Variants in SP100 observed in about 807,000 individuals in gnomAD.
SP100 encodes nuclear autoantigen Sp-100.
A neutral mutation model predicts 130.0 loss-of-function variants in SP100; 84 were observed. The observed-to-expected ratio is 0.65, with a 90% CI of 0.54 to 0.77. The LOEUF (loss-of-function observed/expected upper bound fraction) is 0.77. Among genes scored for constraint, SP100 ranks in the 30% least tolerant of loss-of-function variants. The pLI, the probability that SP100 is intolerant of heterozygous loss-of-function variation, is 0.00. For synonymous variants in SP100, 331 were observed against 351.7 expected (o/e 0.94, Z 0.66); for missense variants, 978 against 1,052.2 (o/e 0.93, Z 0.97).
intron 5 of SP100, among the ~76,000 whole-genome samples, chr2:230,447,504 T>A (rs1324253093): frequency 6.6e-6 from 1 of 152,264 alleles, no homozygotes; most frequent in African/African-American, 2.4e-5. Flanking sequence ...GGTTGTGGCC[T>A]GTGCCTGTAA....
intron 2 of SP100, among the ~76,000 whole-genome samples, chr2:230,435,580 C>T (rs185529790): frequency 3.3e-5 from 5 of 152,032 alleles, no homozygotes; most frequent in East Asian, 1.9e-4. Flanking sequence ...TATTTAAGTT[C>T]GGGGGTACAT....
At position 230,528,124 on chromosome 2, in the gene SP100, A is replaced by G. The variant is rs544530622; in HGVS notation, c.2095-11143A>G. Among the ~76,000 whole-genome samples, 12 of 152,358 alleles carry G rather than the reference A, an allele frequency of 7.9e-5. No individual in the cohort carries two copies. The South Asian group carries it at 2.5e-3, about 32-fold the overall frequency. ...TCTACACCCCAAATCAACAGAATAT[A>G]CATTCTTCTCACCACCACATCACAC... On this transcript the variant is annotated intron_variant, in intron 24 of 28. Coordinates refer to ENST00000340126, the MANE Select transcript of SP100 (RefSeq NM_001080391.2).
intron 18 of SP100, among the ~76,000 whole-genome samples, chr2:230,495,989 T>A (rs2066648298): frequency 6.6e-6 from 1 of 152,184 alleles, no homozygotes; most frequent in East Asian, 1.9e-4. Context: ...ACTTTAAATA[T>A]AACTCTACTA....
At chr2:230,516,935 A>C (rs986242971) in intron 24 of SP100, among the ~76,000 whole-genome samples, 2 of 152,234 alleles carry the variant, frequency 1.3e-5, no homozygotes, top group African/African-American at 2.4e-5. Flanking sequence ...TAGGATATTC[A>C]CATTAATAAC....
chr2:230,506,455 T>C lies in SP100; in HGVS notation c.2013+10T>C, dbSNP rs770526640. The C allele has an allele frequency of 3.1e-6, 5 of 1,612,968 alleles. No individual in the cohort carries two copies. In the Middle Eastern group the frequency reaches 6.6e-4, roughly 213 times the overall value. Reference sequence around the variant, plus strand: ...GAAAGTCCTGATGGAGGTATTCTAGTGACAGATGGCTGAAACCAAGGATTT... The same window carrying C: ...GAAAGTCCTGATGGAGGTATTCTAGCGACAGATGGCTGAAACCAAGGATTT... On this transcript the variant is annotated intron_variant, in intron 22 of 28. Coordinates refer to ENST00000340126, the MANE Select transcript of SP100 (RefSeq NM_001080391.2).
In SP100 at chr2:230,506,387, C is replaced by T; in HGVS notation, c.1955C>T (p.Ser652Phe). The part of the protein sequence containing the change: ...EFEIEGDRGA[S>F]KNWKLSIRCG... The stretch of plus-strand genomic sequence containing the variant: ...GAAATTGAAGGAGACCGCGGAGCAT[C>T]CAAGAACTGGAAGCTAAGTATACGC... Residue 652 changes from serine (S) to phenylalanine (F), a missense_variant, in exon 22 of 29, where the codon TCC becomes TTC. Transcript: ENST00000340126. The T allele has an allele frequency of 1.9e-6, 3 of 1,613,958 alleles. No individual in the cohort carries two copies. The highest frequency in any genetic ancestry group is 2.5e-6 in the Non-Finnish European group (3 of 1,179,866).
intron 17 of SP100, among the ~76,000 whole-genome samples, chr2:230,483,630 G>A (rs2065933563): frequency 2.0e-5 from 3 of 152,160 alleles, no homozygotes; most frequent in Non-Finnish European, 4.4e-5. Flanking sequence ...GAGTAAGGAG[G>A]CTATTGCAAT....
chr2:230,475,129 G>T (rs2065476103), intron 17 of SP100, among the ~76,000 whole-genome samples: 1 of 152,124 alleles, frequency 6.6e-6, no homozygotes, highest in Admixed American at 6.5e-5. Context: ...TTCCACAATG[G>T]TTGAACTAAT....
chr2:230,502,953 T>A, intron 19 of SP100, 113 bp from the exon 20 acceptor site: 1 of 806,350 alleles, frequency 1.2e-6, no homozygotes, highest in Non-Finnish European at 2.0e-6. Flanking sequence ...CTCCTGATAT[T>A]TTTCTTTAAG....
At chr2:230,526,399 C>T (rs2150102765) in intron 24 of SP100, among the ~76,000 whole-genome samples, 1 of 152,294 alleles carries the variant, frequency 6.6e-6, no homozygotes, top group South Asian at 2.1e-4. Flanking sequence ...CACCAAAACC[C>T]CATCTGTAGG....
chr2:230,433,134 T>C (rs1431268364), intron 2 of SP100, among the ~76,000 whole-genome samples: 10 of 152,184 alleles, frequency 6.6e-5, no homozygotes, highest in Admixed American at 6.5e-4. Context: ...ATCCCTGCTT[T>C]TACATTTAGA....
At chr2:230,441,014 A>G (rs1575608894) in intron 2 of SP100, among the ~76,000 whole-genome samples, 1 of 152,176 alleles carries the variant, frequency 6.6e-6, no homozygotes, top group Admixed American at 6.5e-5. Context: ...ATCAAAAGAC[A>G]TGATTAAGAA....
At position 230,439,550 on chromosome 2, in the gene SP100, T is replaced by TTTGTTG. The variant is rs147214851; in HGVS notation, c.108-3366_108-3361dup. On this transcript the variant is annotated intron_variant, in intron 2 of 28. Coordinates refer to ENST00000340126, the MANE Select transcript of SP100 (RefSeq NM_001080391.2). ...GGTATATCCTAAGGTTTTTTGGATT[T>TTTGTTG]TTGTTGTTGTTGTTGTTGTTGTTGT... 1.8e-3 allele frequency among the ~76,000 whole-genome samples: 274 copies of TTTGTTG among 151,564 alleles called. 3 individuals carry two copies. The highest frequency in any genetic ancestry group is 5.4e-3 in the African/African-American group (224 of 41,212).
chr2:230,470,473 CT>C, intron 15 of SP100: 1 of 940,986 alleles, frequency 1.1e-6, no homozygotes, highest in South Asian at 4.8e-5. Context: ...CAAAAGACAA[CT>C]GTTCCTACTA....
At chr2:230,418,326 G>A (rs1575578630) in intron 2 of SP100, among the ~76,000 whole-genome samples, 1 of 152,170 alleles carries the variant, frequency 6.6e-6, no homozygotes, top group East Asian at 1.9e-4. Flanking sequence ...TTTTGAGGAG[G>A]GATCTTAATT....
chr2:230,535,796 A>G (rs371176736), intron 24 of SP100, among the ~76,000 whole-genome samples: 7 of 147,970 alleles, frequency 4.7e-5, no homozygotes, highest in African/African-American at 1.8e-4. Flanking sequence ...CGTCCCAGCT[A>G]CTCGGGAGGC....
chr2:230,463,184 T>C (rs918280704), intron 10 of SP100, among the ~76,000 whole-genome samples: 1 of 152,224 alleles, frequency 6.6e-6, no homozygotes, highest in Non-Finnish European at 1.5e-5. Flanking sequence ...CATAAATGTT[T>C]CAAAGTCATC....
chr2:230,474,317 G>A (rs1195479778), intron 16 of SP100, 77 bp from the exon 17 acceptor site: 2 of 759,824 alleles, frequency 2.6e-6, no homozygotes, highest in African/African-American at 3.6e-5. Context: ...AGCCTTCCAT[G>A]CAGTGTGAAT....
intron 17 of SP100, among the ~76,000 whole-genome samples, chr2:230,474,703 G>T (rs549009636): frequency 1.3e-5 from 2 of 152,124 alleles, no homozygotes; most frequent in South Asian, 4.1e-4. Flanking sequence ...CCATCTAGTG[G>T]TCCCCAGTGT....
Sources: gnomAD v4.1 joint callset for allele counts (sites outside exome capture counted in the v4.1 genomes callset) on GRCh38, gnomAD v4.1.1 for gene constraint, MANE v1.5 for transcripts, NCBI Gene and HGNC (gene_info 2026-07-23, HGNC 2026-07-21) for gene names.